MAP3K13: variants seen among roughly 807,000 people sequenced by gnomAD.
MAP3K13 encodes the protein leucine zipper-bearing kinase.
MAP3K13 carries 52 observed loss-of-function variants against 104.0 expected under a neutral mutation model. The observed-to-expected ratio is 0.50, with a 90% CI of 0.40 to 0.63. The LOEUF (loss-of-function observed/expected upper bound fraction) is 0.63, where lower values mean the gene tolerates loss of function less well. Ranked by LOEUF, MAP3K13 falls within the 20% of genes least tolerant of loss-of-function variation. MAP3K13 has a pLI of 0.00. For synonymous variants in MAP3K13, 394 were observed against 442.2 expected (o/e 0.89, Z 1.37); for missense variants, 914 against 1,218.5 (o/e 0.75, Z 3.72).
At chr3:185,456,890 C>T (rs1183362833) in intron 7 of MAP3K13, among the ~76,000 whole-genome samples, 7 of 152,108 alleles carry the variant, frequency 4.6e-5, no homozygotes, top group African/African-American at 7.2e-5. Context: ...TGTGAGCCAC[C>T]GTGCACAGCC....
chr3:185,434,125 C>A (rs1238829946), intron 2 of MAP3K13, among the ~76,000 whole-genome samples: 1 of 151,796 alleles, frequency 6.6e-6, no homozygotes, highest in Non-Finnish European at 1.5e-5. Flanking sequence ...AAATAATAGA[C>A]AATGATATAG....
Position 185,449,288 on chromosome 3 carries a change from G to A in MAP3K13, c.1011-612G>A, listed in dbSNP as rs186970586. Among the ~76,000 whole-genome samples the A allele has an allele frequency of 3.5e-4, 53 of 149,314 alleles. 1 individual carries two copies. The highest frequency in any genetic ancestry group is 7.0e-3 in the Middle Eastern group (2 of 286). On this transcript the variant is annotated intron_variant, in intron 5 of 13. Transcript: ENST00000265026. Reference sequence around the variant, plus strand: ...CTTGGGAGGCTCAGGCAGCAGAATCGCTTGAACCCAGGAGGTGGAGGTTGC... The same window carrying A: ...CTTGGGAGGCTCAGGCAGCAGAATCACTTGAACCCAGGAGGTGGAGGTTGC...
chr3:185,474,507 A>C (rs752044627), intron 11 of MAP3K13, among the ~76,000 whole-genome samples: 5 of 152,212 alleles, frequency 3.3e-5, no homozygotes. Flanking sequence ...GCACATTAAC[A>C]GTCCTCTGCT....
chr3:185,419,576 GCTTA>G (rs1170859353), intron 1 of MAP3K13, among the ~76,000 whole-genome samples: 4 of 151,908 alleles, frequency 2.6e-5, no homozygotes, highest in Non-Finnish European at 5.9e-5. Context: ...TTCTTAAAAT[GCTTA>G]CTTAATTATA....
At position 185,428,710 on chromosome 3, in the gene MAP3K13, C is replaced by T. The variant is rs769649241; in HGVS notation, c.129C>T (p.Leu43=). The T allele has an allele frequency of 4.3e-5, 70 of 1,614,028 alleles. No homozygotes were observed. Among genetic ancestry groups the T allele is most frequent in the Non-Finnish European group, 5.7e-5 (67 of 1,180,024 alleles). The change falls in exon 2 of 14, where the codon CTC becomes CTT. Residue 43 remains leucine, a synonymous_variant. Transcript: ENST00000265026. ...GGAACCACCCTTCTCCCAAGCTGCTCGAGGACCAGCAGGAAAAGGGGATGG... is the reference window on the plus strand; with the variant it reads ...GGAACCACCCTTCTCCCAAGCTGCTTGAGGACCAGCAGGAAAAGGGGATGG... The part of the protein sequence containing the change: ...AMGNHPSPKL[L]EDQQEKGMVR...
rs960048672 is a variant in MAP3K13 at position 185,455,114 on chromosome 3, G to A, written c.1278+3719G>A. Among the ~76,000 whole-genome samples, 7 of 112,870 alleles carry A rather than the reference G, an allele frequency of 6.2e-5. 1 individual carries two copies. Among genetic ancestry groups the A allele is most frequent in the African/African-American group, 1.7e-4 (5 of 29,128 alleles). 74.0% of individuals were successfully genotyped at this position (112,870 alleles called of 152,430 possible). The stretch of plus-strand genomic sequence containing the variant: ...TATATGAGATATATGTGAGATATAT[G>A]AGATATATGTGAGATATATATATGA... On this transcript the variant is annotated intron_variant, in intron 7 of 13. Coordinates refer to ENST00000265026, the MANE Select transcript of MAP3K13 (RefSeq NM_004721.5).
intron 2 of MAP3K13, among the ~76,000 whole-genome samples, chr3:185,295,996 C>T (rs373391037): frequency 1.3e-5 from 2 of 152,324 alleles, no homozygotes. Context: ...AATTCCAGCA[C>T]TTTCGGAGGC....
At chr3:185,311,913 A>G (rs1310668278) in intron 2 of MAP3K13, among the ~76,000 whole-genome samples, 3 of 152,264 alleles carry the variant, frequency 2.0e-5, no homozygotes, top group African/African-American at 4.8e-5. Context: ...TCATTGGAAT[A>G]AAATTTAACA....
chr3:185,307,546 C>CCCCCCCCA (rs58408265), intron 2 of MAP3K13, among the ~76,000 whole-genome samples: 11 of 104,066 alleles, frequency 1.1e-4, no homozygotes, highest in South Asian at 3.9e-4. Context: ...GCACCACCCC[C>CCCCCCCCA]TCCCCCGCCA....
intron 2 of MAP3K13, among the ~76,000 whole-genome samples, chr3:185,299,463 G>C (rs188079640): frequency 6.6e-6 from 1 of 152,254 alleles, no homozygotes; most frequent in Admixed American, 6.5e-5. Context: ...ATGAAGTACA[G>C]CAATGTGCTG....
chr3:185,354,950 A>G (rs1436398006), intron 2 of MAP3K13, among the ~76,000 whole-genome samples: 1 of 152,204 alleles, frequency 6.6e-6, no homozygotes, highest in Non-Finnish European at 1.5e-5. Flanking sequence ...GTCAGTTTCA[A>G]TAGATAACAG....
At position 185,450,112 on chromosome 3, in the gene MAP3K13, A is replaced by G. The variant is rs1009650890; in HGVS notation, c.1169+54A>G. 2.1e-6 allele frequency: 3 copies of G among 1,453,874 alleles called. No individual in the cohort carries two copies. The highest frequency in any genetic ancestry group is 1.4e-5 in the African/African-American group (1 of 69,484). 90.1% of individuals were successfully genotyped at this position (1,453,874 alleles called of 1,614,324 possible). A position where few individuals can be genotyped will look rare whatever the true frequency, so the allele number is the denominator to read the frequency against. On this transcript the variant is annotated intron_variant, in intron 6 of 13. Coordinates refer to ENST00000265026, the MANE Select transcript of MAP3K13 (RefSeq NM_004721.5). This position sits in a 1 kb window ranked among gnomAD's most constrained non-coding sequence, Gnocchi z 4.2. ...GAGGTCTCTAATGTGTATTTGGAGTAAATATCCTGGTGGTGGAAAGAATAG... is the reference window on the plus strand; with the variant it reads ...GAGGTCTCTAATGTGTATTTGGAGTGAATATCCTGGTGGTGGAAAGAATAG...
At chr3:185,376,799 C>G (rs1253730383) in intron 1 of MAP3K13, among the ~76,000 whole-genome samples, 1 of 151,846 alleles carries the variant, frequency 6.6e-6, no homozygotes, top group Non-Finnish European at 1.5e-5. Context: ...ACGTGATCAG[C>G]AGGGAGAGCA....
intron 2 of MAP3K13, among the ~76,000 whole-genome samples, chr3:185,285,953 G>T (rs1013453719): frequency 2.6e-5 from 4 of 151,940 alleles, no homozygotes; most frequent in Non-Finnish European, 4.4e-5. Context: ...TTTAATCTGT[G>T]GATCCCGTGT....
In MAP3K13 at chr3:185,303,585, A is replaced by G. The variant is rs181525823; in HGVS notation, c.-86+17942A>G. ...TTTCTAGAAATCTATCATTTTTTCT[A>G]TGTTATCCAATTTGTTTGCATATAA... On this transcript the variant is annotated intron_variant, in intron 2 of 14. Coordinates refer to the MAP3K13 transcript ENST00000424227. Among the ~76,000 whole-genome samples the G allele has an allele frequency of 1.4e-3, 208 of 150,820 alleles. 1 individual carries two copies. The highest frequency in any genetic ancestry group is 4.5e-3 in the Admixed American group (68 of 15,170).
At chr3:185,343,825 C>T (rs1722815877) in intron 2 of MAP3K13, among the ~76,000 whole-genome samples, 1 of 152,080 alleles carries the variant, frequency 6.6e-6, no homozygotes, top group Non-Finnish European at 1.5e-5. Context: ...CCAAAACATA[C>T]CTTCAAACTG....
chr3:185,379,213 C>T (rs1560074501), intron 1 of MAP3K13, among the ~76,000 whole-genome samples: 1 of 152,154 alleles, frequency 6.6e-6, no homozygotes, highest in Non-Finnish European at 1.5e-5. Flanking sequence ...GGAACGTGGG[C>T]GAATAATCAG....
chr3:185,413,346 A>G (rs1030348651), intron 1 of MAP3K13, among the ~76,000 whole-genome samples: 3 of 152,182 alleles, frequency 2.0e-5, no homozygotes, highest in African/African-American at 7.2e-5. Context: ...AATGATGGAA[A>G]TGTTCTTTTT....
chr3:185,352,555 G>A (rs1723175335), intron 2 of MAP3K13, among the ~76,000 whole-genome samples: 1 of 152,158 alleles, frequency 6.6e-6, no homozygotes, highest in Non-Finnish European at 1.5e-5. Flanking sequence ...TCTACCTTCT[G>A]TTATAATTTT....
Sources: gnomAD v4.1 joint callset for allele counts (sites outside exome capture counted in the v4.1 genomes callset) on GRCh38, gnomAD v4.1.1 for gene constraint, Gnocchi (gnomAD v3.1) non-coding constraint, MANE v1.5 for transcripts, NCBI Gene and HGNC (gene_info 2026-07-23, HGNC 2026-07-21) for gene names.